Variants in GLIS3 observed in about 807,000 individuals in gnomAD.
The protein encoded by GLIS3 is GLIS family zinc finger 3.
Under a neutral mutation model 78.6 loss-of-function variants are expected in GLIS3, and 53 were observed. The ratio of observed to expected loss-of-function variants is 0.67; its 90% CI spans 0.54 to 0.85. The LOEUF (loss-of-function observed/expected upper bound fraction) is 0.85. Ranked by LOEUF, GLIS3 falls within the 40% of genes least tolerant of loss-of-function variation. The pLI is 0.00. For synonymous variants in GLIS3, 684 were observed against 509.9 expected (o/e 1.34, Z -4.60); for missense variants, 1,703 against 1,231.1 (o/e 1.38, Z -5.74).
chr9:4,374,160 A>C, the GLIS3 span, among the ~76,000 whole-genome samples: 2 of 152,198 alleles, frequency 1.3e-5, no homozygotes, highest in African/African-American at 4.8e-5. Context: ...CTGCTTGTTG[A>C]AACTGCTTCA....
At chr9:4,175,617 T>C (rs1289904185) in intron 2 of GLIS3, among the ~76,000 whole-genome samples, 1 of 152,190 alleles carries the variant, frequency 6.6e-6, no homozygotes, top group Non-Finnish European at 1.5e-5. Flanking sequence ...GAATGATCTA[T>C]CCTTCTGGGA....
intron 2 of GLIS3, among the ~76,000 whole-genome samples, chr9:4,324,700 C>T (rs1340092880): frequency 2.6e-5 from 4 of 152,120 alleles, no homozygotes; most frequent in Non-Finnish European, 5.9e-5. Context: ...TGCAAGGAAG[C>T]GGGAAGCCTG....
the GLIS3 span, among the ~76,000 whole-genome samples, chr9:4,470,159 G>A: frequency 4.6e-5 from 7 of 152,216 alleles, no homozygotes; most frequent in South Asian, 2.1e-4. Flanking sequence ...ATTCACAGCC[G>A]AATTCTACCA....
intron 2 of GLIS3, among the ~76,000 whole-genome samples, chr9:4,215,160 C>T (rs1820706232): frequency 6.6e-6 from 1 of 152,172 alleles, no homozygotes; most frequent in Non-Finnish European, 1.5e-5. Flanking sequence ...CACTTCCAAC[C>T]TCCTCCTTGA....
At chr9:4,273,986 T>C (rs1184627105) in intron 2 of GLIS3, among the ~76,000 whole-genome samples, 1 of 152,210 alleles carries the variant, frequency 6.6e-6, no homozygotes, top group Non-Finnish European at 1.5e-5. Context: ...AAAGAGCATG[T>C]CCTTGCATAG....
Position 3,898,812 on chromosome 9 carries a change from A to G in GLIS3, c.2007T>C (p.His669=), listed in dbSNP as rs1823067504. 2 of 1,614,052 alleles carry G rather than the reference A, an allele frequency of 1.2e-6. No individual in the cohort carries two copies. Residue 669 remains histidine, a synonymous_variant, in exon 7 of 11, where the codon CAT becomes CAC. Coordinates refer to ENST00000381971, the MANE Select transcript of GLIS3 (RefSeq NM_001042413.2). The part of the protein sequence containing the change: ...RKKLRSSTEL[H]PDLLTDCLTV... ...TGAGGCAATCTGTGAGCAGGTCTGG[A>G]TGGAGCTCTGTGCTGGACCGCAACT...
At chr9:3,885,645 G>A (rs534747277) in intron 7 of GLIS3, among the ~76,000 whole-genome samples, 18 of 152,232 alleles carry the variant, frequency 1.2e-4, no homozygotes, top group African/African-American at 4.3e-4. Flanking sequence ...GGGTAAATGA[G>A]CTTTCACAGG....
chr9:4,158,123 CT>C (rs901029631), intron 2 of GLIS3, among the ~76,000 whole-genome samples: 1 of 151,962 alleles, frequency 6.6e-6, no homozygotes, highest in Non-Finnish European at 1.5e-5. Context: ...GGGAAAAAAT[CT>C]TTTTTTTCCT....
At chr9:4,215,351 G>C (rs1001107922) in intron 2 of GLIS3, among the ~76,000 whole-genome samples, 5 of 139,760 alleles carry the variant, frequency 3.6e-5, no homozygotes, top group Non-Finnish European at 6.4e-5. Flanking sequence ...GTGTGTGTGT[G>C]TGTGTATAAA....
chr9:4,257,892 T>C (rs929122284), intron 2 of GLIS3, among the ~76,000 whole-genome samples: 1 of 152,168 alleles, frequency 6.6e-6, no homozygotes, highest in Non-Finnish European at 1.5e-5. Context: ...ATGTTTAATA[T>C]GTATATTAAA....
intron 8 of GLIS3, among the ~76,000 whole-genome samples, chr9:3,872,525 T>C (rs1338373236): frequency 1.3e-5 from 2 of 152,154 alleles, no homozygotes; most frequent in African/African-American, 4.8e-5. Context: ...CCATTTTACA[T>C]GGATGGCAGC....
intron 6 of GLIS3, among the ~76,000 whole-genome samples, chr9:3,927,335 A>G (rs916039698): frequency 6.6e-6 from 1 of 152,236 alleles, no homozygotes; most frequent in African/African-American, 2.4e-5. Context: ...AGTTGGCCAA[A>G]TAATTTTGAG....
rs975364261 is a variant in GLIS3 at position 3,853,445 on chromosome 9, G to A, written c.2473+2564C>T. ...TTATTAAATGCCTACTTTGCACCAA[G>A]TATTATACCTGCCCTAGGGCTACAA... On this transcript the variant is annotated intron_variant, in intron 9 of 10. Transcript: ENST00000381971. 1.7e-4 allele frequency among the ~76,000 whole-genome samples: 25 copies of A among 150,390 alleles called. No individual in the cohort carries two copies. The East Asian group carries it at 3.5e-3, about 21-fold the overall frequency.
chr9:4,375,357 G>A, the GLIS3 span, among the ~76,000 whole-genome samples: 1 of 152,160 alleles, frequency 6.6e-6, no homozygotes, highest in Admixed American at 6.5e-5. Flanking sequence ...GGTACAGAGA[G>A]AAAAGGGATA....
At chr9:4,061,480 C>T in intron 4 of GLIS3, among the ~76,000 whole-genome samples, 1 of 152,018 alleles carries the variant, frequency 6.6e-6, no homozygotes, top group Admixed American at 6.6e-5. Flanking sequence ...ACATTTGGAT[C>T]AACTGTTAAC....
At chr9:4,278,992 C>T (rs908118636) in intron 2 of GLIS3, among the ~76,000 whole-genome samples, 1 of 152,110 alleles carries the variant, frequency 6.6e-6, no homozygotes, top group African/African-American at 2.4e-5. Flanking sequence ...CAAGACAACT[C>T]ACCTAAACTC....
At chr9:4,256,678 T>C (rs1824972507) in intron 2 of GLIS3, among the ~76,000 whole-genome samples, 1 of 152,238 alleles carries the variant, frequency 6.6e-6, no homozygotes, top group South Asian at 2.1e-4. Flanking sequence ...AAATTCACTT[T>C]ATTGTAGACA....
intron 4 of GLIS3, chr9:4,054,375 C>T (rs1260430967): frequency 7.1e-6 from 7 of 985,290 alleles, no homozygotes; most frequent in Admixed American, 6.2e-5. Context: ...AGCAATAAAA[C>T]GTATTTTCCC....
the GLIS3 span, among the ~76,000 whole-genome samples, chr9:4,391,286 G>A: frequency 2.0e-5 from 3 of 152,166 alleles, no homozygotes. Context: ...GTTTCCTTCA[G>A]AAATTCCTTA....
Sources: allele counts gnomAD v4.1 joint callset (sites outside exome capture counted in the v4.1 genomes callset), GRCh38; gene constraint gnomAD v4.1.1; transcripts MANE v1.5; gene names NCBI Gene and HGNC (gene_info 2026-07-23, HGNC 2026-07-21).